Variants in RADIL observed in about 807,000 individuals in gnomAD.
RADIL encodes the protein Rap associating with DIL domain, also known as ras-associating and dilute domain-containing protein.
Under a neutral mutation model 97.6 loss-of-function variants are expected in RADIL, and 99 were observed. The ratio of observed to expected loss-of-function variants is 1.01; its 90% confidence interval spans 0.86 to 1.20. The LOEUF (loss-of-function observed/expected upper bound fraction) is 1.20. Among genes scored for constraint, RADIL ranks in the 50% most tolerant of loss-of-function variants. RADIL has a pLI of 0.00. For missense variants in RADIL, 1,765 were observed against 1,498.9 expected (o/e 1.18, Z -2.93); for synonymous variants, 803 against 691.8 (o/e 1.16, Z -2.52).
At chr7:4,875,344 G>C (rs565171093) in intron 2 of RADIL, among the ~76,000 whole-genome samples, 1 of 151,902 alleles carries the variant, frequency 6.6e-6, no homozygotes, top group African/African-American at 2.4e-5. Flanking sequence ...AGTGAGCTGA[G>C]ATCATGCCAT....
intron 5 of RADIL, among the ~76,000 whole-genome samples, chr7:4,823,346 T>G (rs940752252): frequency 6.7e-6 from 1 of 149,868 alleles, no homozygotes; most frequent in Non-Finnish European, 1.5e-5. Context: ...TTTTTTTTTT[T>G]TTTTTTAGAG....
intron 2 of RADIL, chr7:4,858,074 C>T (rs1783877405): frequency 1.3e-5 from 2 of 152,558 alleles, no homozygotes. Context: ...GTGCACACTT[C>T]ACCCGATTTA....
chr7:4,875,481 G>T (rs762659642), intron 2 of RADIL, among the ~76,000 whole-genome samples: 5 of 152,002 alleles, frequency 3.3e-5, no homozygotes, highest in African/African-American at 1.2e-4. Flanking sequence ...ACTGGCAGTC[G>T]CCTATCACCT....
rs1416528154 is a variant in RADIL, at chr7:4,827,488, C to T, written c.1454+4653G>A. 4.6e-5 allele frequency among the ~76,000 whole-genome samples: 7 copies of T among 151,606 alleles called. No individual in the cohort carries two copies. The South Asian group carries it at 6.3e-4, about 14-fold the overall frequency. Reference sequence around the variant, plus strand: ...CATCCTGGCTAACACAGTGAAACCCCGTCTCTACTAAAAATACAAAAAATT... The same window carrying T: ...CATCCTGGCTAACACAGTGAAACCCTGTCTCTACTAAAAATACAAAAAATT... On this transcript the variant is annotated intron_variant, in intron 5 of 14. Transcript: ENST00000399583.
At position 4,834,614 on chromosome 7, in the gene RADIL, G is replaced by A. The variant is rs757669221; in HGVS notation, c.1409C>T (p.Thr470Ile). 2.6e-5 allele frequency: 35 copies of A among 1,340,850 alleles called. No individual in the cohort carries two copies. The highest frequency in any genetic ancestry group is 3.0e-5 in the Non-Finnish European group (31 of 1,039,140). The allele number at this position is 1,340,850 out of a possible 1,614,324, so 83.1% of individuals were successfully genotyped here. A position where few individuals can be genotyped will look rare whatever the true frequency, so the allele number is the denominator to read the frequency against. ...CCACCCCAGCACACTGACCCAGACA[G>A]TCTCGCGGATCAGCCTGGCTATCTT... The part of the protein sequence containing the change: ...LLKIARLIRE[T>I]VWEKTKELAE... Residue 470 changes from threonine to isoleucine, a missense_variant, in exon 4 of 15, where the codon ACT becomes ATT. Thr to Ile is a moderately conservative substitution (Grantham distance 89). Coordinates refer to ENST00000399583, the MANE Select transcript of RADIL (RefSeq NM_018059.5). The surrounding 1 kb of genome is among the most constrained non-coding windows in gnomAD (Gnocchi z 6.0).
At chr7:4,802,878 T>A (rs13235652) in intron 11 of RADIL, among the ~76,000 whole-genome samples, 10 of 58,468 alleles carry the variant, frequency 1.7e-4, no homozygotes, top group East Asian at 5.6e-4. Context: ...CTCGGGGCAC[T>A]CTGGCTGGGG....
intron 9 of RADIL, 34 bp from the exon 10 acceptor site, chr7:4,805,750 C>T (rs765051755): frequency 6.3e-7 from 1 of 1,592,570 alleles, no homozygotes; most frequent in Admixed American, 1.7e-5. Flanking sequence ...GGTCACAGGT[C>T]TCTGGGTGCA....
In RADIL at chr7:4,860,716, A is replaced by C. The variant is rs368781878; in HGVS notation, c.535+16889T>G. 16 of 1,614,012 alleles carry C rather than the reference A, an allele frequency of 9.9e-6. No individual in the cohort carries two copies. The African/African-American group carries it at 1.6e-4, about 16-fold the overall frequency. On this transcript the variant is annotated intron_variant, in intron 2 of 14. Coordinates refer to ENST00000399583, the MANE Select transcript of RADIL (RefSeq NM_018059.5). ...GCTTGTACTTTTGAAAGAAGCTTGG[A>C]GCTTCAAAGAGTTTGGACCACTCTG...
chr7:4,834,505 G>A lies in RADIL; in HGVS notation c.1416+102C>T. ...GCGCTCAGCAGCACAGCACCGTGGG[G>A]GTCAGATAGAGGCGCTCCCGCCTCC... On this transcript the variant is annotated intron_variant, in intron 4 of 14. Transcript: ENST00000399583. The surrounding 1 kb of genome is among the most constrained non-coding windows in gnomAD (Gnocchi z 6.0). 8 of 1,207,798 alleles carry A rather than the reference G, an allele frequency of 6.6e-6. No homozygotes were observed. The South Asian group carries it at 2.4e-4, about 37-fold the overall frequency. 74.8% of individuals were successfully genotyped at this position (1,207,798 alleles called of 1,614,324 possible).
chr7:4,820,812 G>A (rs1358371542), intron 6 of RADIL, among the ~76,000 whole-genome samples: 4 of 152,194 alleles, frequency 2.6e-5, no homozygotes, highest in Non-Finnish European at 5.9e-5. Context: ...GCTGAGGACT[G>A]GGCCCCGACG....
In RADIL at chr7:4,818,378, C is replaced by T. The variant is rs574805611; in HGVS notation, c.1616-1027G>A. 9.1e-4 allele frequency among the ~76,000 whole-genome samples: 138 copies of T among 152,330 alleles called. No homozygotes were observed. Among genetic ancestry groups the T allele is most frequent in the African/African-American group, 3.1e-3 (130 of 41,576 alleles). ...GTGCGCCAAGCCCTTGGACAAGCCC[C>T]TGTCACTTTCGCTCTGCCGCTCCTG... On this transcript the variant is annotated intron_variant, in intron 6 of 14. Coordinates refer to ENST00000399583, the MANE Select transcript of RADIL (RefSeq NM_018059.5). This position sits in a 1 kb window ranked among gnomAD's most constrained non-coding sequence, Gnocchi z 7.1.
At chr7:4,850,267 G>GTA (rs1159864516) in intron 2 of RADIL, among the ~76,000 whole-genome samples, 3 of 135,846 alleles carry the variant, frequency 2.2e-5, no homozygotes, top group East Asian at 2.3e-4. Context: ...CTGTATGTAT[G>GTA]TATATACATG....
rs772968246 is a variant in RADIL, at chr7:4,817,060, G to T, written c.1728+179C>A. On this transcript the variant is annotated intron_variant, in intron 7 of 14. Coordinates refer to ENST00000399583, the MANE Select transcript of RADIL (RefSeq NM_018059.5). The surrounding 1 kb of genome is among the most constrained non-coding windows in gnomAD (Gnocchi z 8.3). ...GTGCGACCTGAGGAGGAGCGGGTGT[G>T]GGGGGTGCAGCTGGGCCTGTGCAGA... Among the ~76,000 whole-genome samples the T allele has an allele frequency of 7.9e-5, 12 of 152,278 alleles. No individual in the cohort carries two copies. The highest frequency in any genetic ancestry group is 2.2e-4 in the African/African-American group (9 of 41,558).
chr7:4,865,148 TG>T (rs1475082914), intron 2 of RADIL, among the ~76,000 whole-genome samples: 2 of 152,226 alleles, frequency 1.3e-5, no homozygotes, highest in African/African-American at 4.8e-5. Flanking sequence ...GTTGGTGTGT[TG>T]TCATCTTTGA....
At chr7:4,862,191 C>G (rs1784031555) in intron 2 of RADIL, among the ~76,000 whole-genome samples, 2 of 152,264 alleles carry the variant, frequency 1.3e-5, no homozygotes, top group South Asian at 4.1e-4. Flanking sequence ...CCTTTATTGC[C>G]ACTATTTTAC....
rs1784522970 is a variant in RADIL at position 4,883,293 on chromosome 7, C to G, written c.-65+303G>C. Among the ~76,000 whole-genome samples the G allele has an allele frequency of 6.6e-6, 1 of 151,318 alleles. No homozygotes were observed. Among genetic ancestry groups the G allele is most frequent in the Non-Finnish European group, 1.5e-5 (1 of 67,960 alleles). On this transcript the variant is annotated intron_variant, in intron 1 of 14. Transcript: ENST00000399583. The surrounding 1 kb of genome is among the most constrained non-coding windows in gnomAD (Gnocchi z 7.1). ...GTTGGGGGTCCGGGGCCCACGCGGA[C>G]AGCCAGGCTCAGGAGCTCTCGGGGG...
In RADIL at chr7:4,872,914, C is replaced by T. The variant is rs553958753; in HGVS notation, c.535+4691G>A. 7.2e-4 allele frequency among the ~76,000 whole-genome samples: 110 copies of T among 152,098 alleles called. No homozygotes were observed. The highest frequency in any genetic ancestry group is 1.3e-3 in the Non-Finnish European group (90 of 68,018). On this transcript the variant is annotated intron_variant, in intron 2 of 14. Transcript: ENST00000399583. The surrounding 1 kb of genome is among the most constrained non-coding windows in gnomAD (Gnocchi z 5.8). ...ATGCTTCCCCTGAAATGGTGCAACC[C>T]GTTAGCCCAACCCAGAACCAATGTG...
intron 2 of RADIL, chr7:4,861,856 C>CTTCACGTCCCCCACCACCGCGACT (rs753281545): frequency 1.5e-6 from 2 of 1,331,904 alleles, no homozygotes; most frequent in Non-Finnish European, 2.0e-6. Flanking sequence ...CCACCGCGAC[C>CTTCACGTCCCCCACCACCGCGACT]TTCGCGGCCG....
rs963979900 is a variant in RADIL at position 4,837,980 on chromosome 7, T to C, written c.536-1375A>G. Reference sequence around the variant, plus strand: ...AACAAAAGCCGGATGGAGGGAGGCGTCAGCTGGCTGAGGAAGACCCTTACC... The same window carrying C: ...AACAAAAGCCGGATGGAGGGAGGCGCCAGCTGGCTGAGGAAGACCCTTACC... On this transcript the variant is annotated intron_variant, in intron 2 of 14. Coordinates refer to ENST00000399583, the MANE Select transcript of RADIL (RefSeq NM_018059.5). This position sits in a 1 kb window ranked among gnomAD's most constrained non-coding sequence, Gnocchi z 5.6. The C allele has an allele frequency of 1.6e-5, 16 of 985,318 alleles. No homozygotes were observed. The highest frequency in any genetic ancestry group is 5.2e-4 in the Middle Eastern group (1 of 1,914). The allele number at this position is 985,318 out of a possible 1,614,324, so 61.0% of individuals were successfully genotyped here.
Sources: gnomAD v4.1 joint callset for allele counts (sites outside exome capture counted in the v4.1 genomes callset) on GRCh38, gnomAD v4.1.1 for gene constraint, Gnocchi (gnomAD v3.1) non-coding constraint, MANE v1.5 for transcripts, NCBI Gene and HGNC (gene_info 2026-07-23, HGNC 2026-07-21) for gene names.